TAX1BP1: variants seen among roughly 807,000 people sequenced by gnomAD.
TAX1BP1 encodes the protein Tax1 binding protein 1, also known as tax1-binding protein 1.
Under a neutral mutation model 97.7 loss-of-function variants are expected in TAX1BP1, and 62 were observed. That is an observed-to-expected ratio of 0.63 (90% CI 0.52 to 0.78). The LOEUF is 0.78. TAX1BP1 is among the 30% of genes least tolerant of loss of function. TAX1BP1 has a pLI of 0.00. For synonymous variants in TAX1BP1, 340 were observed against 304.2 expected (o/e 1.12, Z -1.23); for missense variants, 867 against 916.1 (o/e 0.95, Z 0.69).
intron 5 of TAX1BP1, among the ~76,000 whole-genome samples, chr7:27,780,122 A>G (rs1177561241): frequency 1.3e-5 from 2 of 152,190 alleles, no homozygotes; most frequent in African/African-American, 4.8e-5. Flanking sequence ...CACAACACCA[A>G]TATAGTAGTC....
At chr7:27,748,263 T>G (rs1562695465) in intron 1 of TAX1BP1, among the ~76,000 whole-genome samples, 1 of 152,160 alleles carries the variant, frequency 6.6e-6, no homozygotes, top group Non-Finnish European at 1.5e-5. Flanking sequence ...GAGAGTTAAT[T>G]TTTGGTTTTG....
At chr7:27,821,338 A>ATT (rs1790964799) in intron 15 of TAX1BP1, among the ~76,000 whole-genome samples, 1 of 152,158 alleles carries the variant, frequency 6.6e-6, no homozygotes, top group Non-Finnish European at 1.5e-5. Flanking sequence ...ATCTTAGAAA[A>ATT]GTAATTGTTG....
intron 3 of TAX1BP1, among the ~76,000 whole-genome samples, chr7:27,759,676 A>G (rs1013622457): frequency 4.6e-5 from 7 of 151,866 alleles, no homozygotes; most frequent in East Asian, 1.9e-4. Flanking sequence ...TGGGTTTCTC[A>G]TATCTTTAAG....
intron 15 of TAX1BP1, among the ~76,000 whole-genome samples, chr7:27,826,512 T>C (rs1562749693): frequency 6.6e-6 from 1 of 150,584 alleles, no homozygotes; most frequent in Admixed American, 6.6e-5. Flanking sequence ...GCCTACCCAG[T>C]AACATAAAGG....
At chr7:27,744,926 T>C (rs1054471286) in intron 1 of TAX1BP1, among the ~76,000 whole-genome samples, 9 of 152,144 alleles carry the variant, frequency 5.9e-5, no homozygotes, top group Non-Finnish European at 1.0e-4. Flanking sequence ...ATAACACACA[T>C]AAAGAAATTC....
In TAX1BP1 at chr7:27,769,660, G is replaced by A. The variant is rs749997137; in HGVS notation, c.454-16G>A. On this transcript the variant is annotated splice_polypyrimidine_tract_variant and intron_variant, in intron 4 of 16. Coordinates refer to ENST00000396319, the MANE Select transcript of TAX1BP1 (RefSeq NM_006024.7). ...TTAAGCAAAAAACTAATTAATCTGA[G>A]TTTTTTGCTTTATAGTTGAAAATTG... The A allele has an allele frequency of 3.2e-6, 5 of 1,581,632 alleles. No individual in the cohort carries two copies. The highest frequency in any genetic ancestry group is 4.5e-5 in the East Asian group (2 of 44,468).
At chr7:27,817,118 A>G in intron 15 of TAX1BP1, 80 bp downstream of exon 15, 1 of 1,511,270 alleles carries the variant, frequency 6.6e-7, no homozygotes, top group Non-Finnish European at 8.9e-7. Flanking sequence ...ATGTGTGCAT[A>G]TGTGTATCTT....
chr7:27,752,271 C>T (rs1390985238), intron 2 of TAX1BP1, among the ~76,000 whole-genome samples: 3 of 152,196 alleles, frequency 2.0e-5, no homozygotes, highest in Non-Finnish European at 2.9e-5. Flanking sequence ...CATTCTATGG[C>T]ATCTCAGTAA....
chr7:27,762,910 A>C (rs1015969285), intron 3 of TAX1BP1, among the ~76,000 whole-genome samples: 2 of 152,162 alleles, frequency 1.3e-5, no homozygotes, highest in African/African-American at 4.8e-5. Context: ...CCGAGATTGT[A>C]CCACTTCACT....
rs537242067 is a variant in TAX1BP1 at position 27,827,083 on chromosome 7, G to A, written c.2086-655G>A. ...TATTGAAAGTAGGGCCAGGCACAGC[G>A]GCTCACGCCTGAAATCCCGGCACTT... On this transcript the variant is annotated intron_variant, in intron 15 of 16. Coordinates refer to ENST00000396319, the MANE Select transcript of TAX1BP1 (RefSeq NM_006024.7). 7.2e-5 allele frequency among the ~76,000 whole-genome samples: 11 copies of A among 152,302 alleles called. No individual in the cohort carries two copies. In the East Asian group the frequency reaches 1.7e-3, roughly 24 times the overall value.
In TAX1BP1 at chr7:27,766,028, G is replaced by C. The variant is rs748562014; in HGVS notation, c.453+7G>C. Reference sequence around the variant, plus strand: ...AAAAGCAGGCCTTCTTGAGGTTGGTGTTCACAGTGAGATAGTGATTCATTG... The same window carrying C: ...AAAAGCAGGCCTTCTTGAGGTTGGTCTTCACAGTGAGATAGTGATTCATTG... On this transcript the variant is annotated splice_region_variant and intron_variant, in intron 4 of 16. Transcript: ENST00000396319. The C allele has an allele frequency of 6.2e-7, 1 of 1,611,816 alleles. No individual in the cohort carries two copies.
At chr7:27,800,625 C>T (rs1562731596) in intron 13 of TAX1BP1, among the ~76,000 whole-genome samples, 1 of 151,872 alleles carries the variant, frequency 6.6e-6, no homozygotes, top group Non-Finnish European at 1.5e-5. Context: ...TTTTGGAGTA[C>T]AATAATATGT....
chr7:27,787,464 A>G lies in TAX1BP1; in HGVS notation c.899A>G (p.Glu300Gly). 6.2e-7 allele frequency: 1 copy of G among 1,612,274 alleles called. No individual in the cohort carries two copies. The highest frequency in any genetic ancestry group is 1.1e-5 in the South Asian group (1 of 90,586). The change falls in exon 8 of 17, where the codon GAG becomes GGG. Residue 300 changes from glutamate (E) to glycine (G), a missense_variant. By Grantham distance (98) the Glu-to-Gly change is moderately conservative. Transcript: ENST00000396319. ...ATAGAAAATACCAAGCTTATGTCAG[A>G]GGTCCAGACTTTAAAAAATTTAGAT... The part of the protein sequence containing the change: ...TEIENTKLMS[E>G]VQTLKNLDGN...
intron 1 of TAX1BP1, among the ~76,000 whole-genome samples, chr7:27,746,585 C>G (rs1281018013): frequency 6.6e-6 from 1 of 152,048 alleles, no homozygotes; most frequent in African/African-American, 2.4e-5. Flanking sequence ...TAAATGCTAC[C>G]TGTTCATTTT....
intron 15 of TAX1BP1, among the ~76,000 whole-genome samples, chr7:27,823,580 C>T (rs1583412129): frequency 6.6e-6 from 1 of 152,158 alleles, no homozygotes; most frequent in Non-Finnish European, 1.5e-5. Context: ...TCATTTACCC[C>T]TGAGTATGTA....
chr7:27,776,855 T>C (rs958218379), intron 5 of TAX1BP1, among the ~76,000 whole-genome samples: 2 of 151,922 alleles, frequency 1.3e-5, no homozygotes, highest in Admixed American at 1.3e-4. Flanking sequence ...CTCTGTTTCA[T>C]TTTAAATAGT....
At chr7:27,803,025 T>C (rs1176504067) in intron 13 of TAX1BP1, 5 of 1,293,196 alleles carry the variant, frequency 3.9e-6, no homozygotes, top group Non-Finnish European at 5.2e-6. Flanking sequence ...ATTATTTTCG[T>C]AAAACAGTAT....
At chr7:27,754,343 TA>T (rs1788129900) in intron 2 of TAX1BP1, among the ~76,000 whole-genome samples, 2 of 150,088 alleles carry the variant, frequency 1.3e-5, no homozygotes, top group Middle Eastern at 3.6e-3. Context: ...TTTCTGTTTT[TA>T]AAAAAAGTCC....
At chr7:27,754,294 G>T (rs1181478683) in intron 2 of TAX1BP1, among the ~76,000 whole-genome samples, 1 of 149,470 alleles carries the variant, frequency 6.7e-6, no homozygotes, top group African/African-American at 2.5e-5. Context: ...CTCTTTTCCT[G>T]CCTTGGTCTC....
Sources: gnomAD v4.1 joint callset for allele counts (sites outside exome capture counted in the v4.1 genomes callset) on GRCh38, gnomAD v4.1.1 for gene constraint, MANE v1.5 for transcripts, NCBI Gene and HGNC (gene_info 2026-07-23, HGNC 2026-07-21) for gene names.